Variants in NAV3 observed in about 807,000 individuals in gnomAD.
NAV3 encodes pore membrane and/or filament interacting like protein 1.
Under a neutral mutation model 244.7 loss-of-function variants are expected in NAV3, and 87 were observed. The ratio of observed to expected loss-of-function variants is 0.36; its 90% CI spans 0.30 to 0.42. The LOEUF (loss-of-function observed/expected upper bound fraction) is 0.42, where lower values mean the gene tolerates loss of function less well. Ranked by LOEUF, NAV3 falls within the 20% of genes least tolerant of loss-of-function variation. The pLI is 1.00. For synonymous variants in NAV3, 1,126 were observed against 1,042.2 expected, an observed-to-expected ratio of 1.08 and a Z score of -1.55; for missense variants, 2,663 against 2,893.3, an observed-to-expected ratio of 0.92 and a Z score of 1.83.
intron 12 of NAV3, among the ~76,000 whole-genome samples, chr12:78,105,799 A>C (rs991353232): frequency 5.9e-5 from 9 of 151,822 alleles, no homozygotes; most frequent in African/African-American, 2.2e-4. Flanking sequence ...TGTCCTGAGA[A>C]CCAAAATATA....
intron 24 of NAV3, among the ~76,000 whole-genome samples, chr12:78,169,518 G>T (rs952635034): frequency 6.6e-6 from 1 of 151,514 alleles, no homozygotes; most frequent in African/African-American, 2.4e-5. Context: ...CCTTTACATT[G>T]GTTCTATTTA....
In NAV3 at chr12:78,201,829, T is replaced by C. The variant is rs538418539; in HGVS notation, c.6834+1238T>C. 2.0e-4 allele frequency among the ~76,000 whole-genome samples: 31 copies of C among 152,102 alleles called. No individual in the cohort carries two copies. In the South Asian group the frequency reaches 4.8e-3, roughly 23 times the overall value. ...CCACATTCAGTCATCTACAATAGTG[T>C]GTTGTCTTTATTTTGCTATCTAAAA... On this transcript the variant is annotated intron_variant, in intron 38 of 39. Transcript: ENST00000397909.
At chr12:77,640,355 G>A (rs866163960) in intron 2 of NAV3, among the ~76,000 whole-genome samples, 16 of 151,954 alleles carry the variant, frequency 1.1e-4, no homozygotes, top group African/African-American at 3.6e-4. Context: ...ACTAAATAAA[G>A]CAAAACTTTC....
intron 39 of NAV3, among the ~76,000 whole-genome samples, chr12:78,208,222 T>C (rs916176389): frequency 6.6e-6 from 1 of 152,120 alleles, no homozygotes; most frequent in African/African-American, 2.4e-5. Flanking sequence ...AGCAAGACTC[T>C]TTAATAACCT....
intron 8 of NAV3, among the ~76,000 whole-genome samples, chr12:78,008,402 T>C (rs1324949906): frequency 6.6e-6 from 1 of 152,136 alleles, no homozygotes. Flanking sequence ...TTTAATCGAT[T>C]AGAGATATGT....
At chr12:77,881,377 G>T (rs1384109649) in intron 1 of NAV3, among the ~76,000 whole-genome samples, 1 of 152,046 alleles carries the variant, frequency 6.6e-6, no homozygotes, top group Non-Finnish European at 1.5e-5. Flanking sequence ...ACTTTTCCTT[G>T]AACTGTATAT....
At chr12:77,843,528 T>A (rs918039685) in intron 1 of NAV3, among the ~76,000 whole-genome samples, 7 of 152,064 alleles carry the variant, frequency 4.6e-5, no homozygotes, top group African/African-American at 1.7e-4. Context: ...TTCCTATTTT[T>A]TTTTTTTAGG....
intron 8 of NAV3, among the ~76,000 whole-genome samples, chr12:78,008,926 A>G (rs1874729476): frequency 6.6e-6 from 1 of 152,196 alleles, no homozygotes; most frequent in Non-Finnish European, 1.5e-5. Flanking sequence ...GTGAGAAAAA[A>G]AATCATGAAG....
At chr12:77,772,210 T>C (rs551013373) in intron 2 of NAV3, among the ~76,000 whole-genome samples, 1 of 152,262 alleles carries the variant, frequency 6.6e-6, no homozygotes, top group African/African-American at 2.4e-5. Context: ...TATTCAAACT[T>C]AGACCTGGCT....
intron 2 of NAV3, among the ~76,000 whole-genome samples, chr12:77,714,813 G>C (rs1215961789): frequency 6.6e-6 from 1 of 151,912 alleles, no homozygotes; most frequent in African/African-American, 2.4e-5. Context: ...GGGAATCTTT[G>C]CCATTTCAAA....
intron 23 of NAV3, among the ~76,000 whole-genome samples, chr12:78,160,402 T>TGTGTGTGTGTGTGTGTGTGC (rs776750180): frequency 2.2e-5 from 2 of 90,482 alleles, no homozygotes; most frequent in Non-Finnish European, 4.6e-5. Flanking sequence ...TGTGTGTGCG[T>TGTGTGTGTGTGTGTGTGTGC]GCGTGTGTGT....
chr12:77,651,753 T>C (rs1872832248), intron 2 of NAV3, among the ~76,000 whole-genome samples: 1 of 152,236 alleles, frequency 6.6e-6, no homozygotes, highest in African/African-American at 2.4e-5. Flanking sequence ...TTAAATTTAC[T>C]AACTCATGTC....
chr12:77,938,490 A>T (rs1889546023), intron 1 of NAV3, among the ~76,000 whole-genome samples: 1 of 152,172 alleles, frequency 6.6e-6, no homozygotes, highest in Non-Finnish European at 1.5e-5. Context: ...GGATGCTTCC[A>T]GTTGTTTACA....
chr12:78,180,817 A>G, intron 29 of NAV3, 54 bp from the exon 30 acceptor site: 1 of 1,461,656 alleles, frequency 6.8e-7, no homozygotes, highest in Non-Finnish European at 9.3e-7. Context: ...ACTTGGTGCT[A>G]TTTTCTCAAT....
rs184204970 is a variant in NAV3 at position 77,769,689 on chromosome 12, G to T, written c.73-170630G>T. Reference sequence around the variant, plus strand: ...GGATTACTTTTGTAATTTAATTAATGTCTTTGATGCCAAGGTATGAAATAA... The same window carrying T: ...GGATTACTTTTGTAATTTAATTAATTTCTTTGATGCCAAGGTATGAAATAA... On this transcript the variant is annotated intron_variant, in intron 2 of 8. Coordinates refer to the NAV3 transcript ENST00000550042. Among the ~76,000 whole-genome samples the T allele has an allele frequency of 5.4e-3, 817 of 152,228 alleles. 8 individuals carry two copies. The highest frequency in any genetic ancestry group is 0.019 in the African/African-American group (789 of 41,536).
chr12:78,198,926 A>C (rs1301428842), intron 36 of NAV3: 1 of 464,084 alleles, frequency 2.2e-6, no homozygotes, highest in Admixed American at 3.8e-5. Flanking sequence ...AACAAAAAAA[A>C]AAAAAAAGGA....
intron 1 of NAV3, among the ~76,000 whole-genome samples, chr12:77,915,638 G>T (rs1887064855): frequency 6.6e-6 from 1 of 151,948 alleles, no homozygotes; most frequent in Non-Finnish European, 1.5e-5. Context: ...GTCAGGATGA[G>T]GAGGGTACAT....
intron 39 of NAV3, among the ~76,000 whole-genome samples, chr12:78,206,530 T>A (rs376838887): frequency 1.3e-5 from 2 of 152,272 alleles, no homozygotes; most frequent in Admixed American, 6.5e-5. Context: ...CTGTAGAGTA[T>A]GAAACCCTTA....
At chr12:78,055,086 G>A (rs766825087) in intron 11 of NAV3, among the ~76,000 whole-genome samples, 3 of 152,166 alleles carry the variant, frequency 2.0e-5, no homozygotes, top group Non-Finnish European at 4.4e-5. Flanking sequence ...TTCATCCTAT[G>A]TGTCAAGCAA....
Sources: allele counts gnomAD v4.1 joint callset (sites outside exome capture counted in the v4.1 genomes callset), GRCh38; gene constraint gnomAD v4.1.1; transcripts MANE v1.5; gene names NCBI Gene and HGNC (gene_info 2026-07-23, HGNC 2026-07-21).